POLA1: variants seen among roughly 807,000 people sequenced by gnomAD.
POLA1 encodes DNA polymerase alpha catalytic subunit.
Under a neutral mutation model 124.0 loss-of-function variants are expected in POLA1, and 15 were observed. That is an observed-to-expected ratio of 0.12 (90% CI 0.08 to 0.19). The LOEUF is 0.19. Ranked by LOEUF, POLA1 falls within the 10% of genes least tolerant of loss-of-function variation. The pLI, the probability that POLA1 is intolerant of heterozygous loss-of-function variation, is 1.00. For synonymous variants in POLA1, 408 were observed against 389.4 expected (o/e 1.05, Z -0.56); for missense variants, 886 against 1,103.4 (o/e 0.80, Z 2.79).
At chrX:24,713,807 G>A (rs1276130539) in intron 4 of POLA1, among the ~76,000 whole-genome samples, 1 of 112,291 alleles carries the variant, frequency 8.9e-6, no homozygotes, top group Non-Finnish European at 1.9e-5. Context: ...TCATAAAATG[G>A]AAATTAGGAT....
chrX:24,715,229 A>G, intron 6 of POLA1, 26 bp downstream of exon 6: 1 of 925,464 alleles, frequency 1.1e-6, no homozygotes, highest in South Asian at 2.0e-5. Context: ...GGAGTTGTAA[A>G]ATATGCAGAG....
chrX:24,887,862 A>T, intron 34 of POLA1, 144 bp from the exon 35 acceptor site: 2 of 411,838 alleles, frequency 4.9e-6, no homozygotes, highest in Admixed American at 3.7e-5. Flanking sequence ...TCTAATTAAC[A>T]TGTCAGGAGA....
chrX:24,878,272 T>C (rs1002539279), intron 34 of POLA1, among the ~76,000 whole-genome samples: 1 of 111,808 alleles, frequency 8.9e-6, no homozygotes, highest in Non-Finnish European at 1.9e-5. Context: ...TTTTAACATT[T>C]GTCGTTCACT....
intron 34 of POLA1, among the ~76,000 whole-genome samples, chrX:24,856,402 A>G (rs767202209): frequency 1.2e-4 from 13 of 112,220 alleles, no homozygotes; most frequent in African/African-American, 4.2e-4. Flanking sequence ...TCACTGAAGG[A>G]TGTTTGGATT....
intron 34 of POLA1, among the ~76,000 whole-genome samples, chrX:24,865,226 ATGAC>A (rs1347705343): frequency 8.0e-5 from 9 of 112,369 alleles, no homozygotes; most frequent in Non-Finnish European, 1.5e-4. Context: ...GATTAAATTT[ATGAC>A]TGTGGAAATC....
At chrX:24,871,643 A>C (rs1451136558) in intron 34 of POLA1, among the ~76,000 whole-genome samples, 1 of 110,164 alleles carries the variant, frequency 9.1e-6, no homozygotes, top group African/African-American at 3.3e-5. Flanking sequence ...ACTTGAACAG[A>C]CCTTACAGTC....
intron 25 of POLA1, 26 bp downstream of exon 25, chrX:24,748,486 T>C: frequency 9.0e-7 from 1 of 1,115,237 alleles, no homozygotes; most frequent in African/African-American, 1.8e-5. Flanking sequence ...AAGAAACATT[T>C]GAGTGACAGT....
At chrX:24,731,738 C>T (rs371527095) in intron 15 of POLA1, among the ~76,000 whole-genome samples, 36 of 110,477 alleles carry the variant, frequency 3.3e-4, no homozygotes, top group Middle Eastern at 4.2e-3. Flanking sequence ...GTGTTAATAG[C>T]TCCATGATTG....
chrX:24,927,485 T>C (rs1360894191), intron 35 of POLA1, among the ~76,000 whole-genome samples: 1 of 111,406 alleles, frequency 9.0e-6, no homozygotes, highest in Non-Finnish European at 1.9e-5. Flanking sequence ...GACCTATGAG[T>C]GCACCCGTGG....
intron 27 of POLA1, 76 bp from the exon 28 acceptor site, chrX:24,810,632 T>TG (rs2045882883): frequency 2.2e-6 from 1 of 455,243 alleles, no homozygotes; most frequent in Non-Finnish European, 3.8e-6. Context: ...TTCTGTAGTA[T>TG]GGAAAATCTT....
rs2045713434 is a variant in POLA1 at position 24,801,924 on chromosome X, G to GTGTGTGTGTGTGTGTGTGTGTGTGTGTGT, written c.2965-7974_2965-7973insTGTGTGTGTGTGTGTGTGTGTGTGTGTGT. On this transcript the variant is annotated intron_variant, in intron 26 of 36. Transcript: ENST00000379068. The stretch of plus-strand genomic sequence containing the variant: ...ACAGAGCCACTAGGAGAGGTGGGTG[G>GTGTGTGTGTGTGTGTGTGTGTGTGTGTGT]GTGTGTGTGTGTGTGTGTGTGTGTG... Among the ~76,000 whole-genome samples the GTGTGTGTGTGTGTGTGTGTGTGTGTGTGT allele has an allele frequency of 4.0e-5, 3 of 74,544 alleles. No homozygotes were observed. The East Asian group carries it at 1.4e-3, about 35-fold the overall frequency. 64.7% of individuals were successfully genotyped at this position (74,544 alleles called of 115,157 possible). A position where few individuals can be genotyped will look rare whatever the true frequency, so the allele number is the denominator to read the frequency against.
chrX:24,841,907 TA>T (rs961008165), intron 33 of POLA1, 77 bp downstream of exon 33: 3 of 699,798 alleles, frequency 4.3e-6, no homozygotes, highest in Non-Finnish European at 6.5e-6. Context: ...ATGGGGTATA[TA>T]AAAAGGGCGA....
intron 35 of POLA1, among the ~76,000 whole-genome samples, chrX:24,925,402 TC>T (rs1360449490): frequency 8.9e-6 from 1 of 112,029 alleles, no homozygotes; most frequent in Admixed American, 9.5e-5. Context: ...GCCCAACTCT[TC>T]ATACCTCAAG....
intron 24 of POLA1, among the ~76,000 whole-genome samples, chrX:24,746,585 C>T (rs1431469746): frequency 8.9e-6 from 1 of 112,075 alleles, no homozygotes; most frequent in Non-Finnish European, 1.9e-5. Context: ...CAGTTAGTGT[C>T]ACACAGGTAG....
chrX:24,909,790 G>A (rs1391848537), intron 35 of POLA1, among the ~76,000 whole-genome samples: 1 of 110,393 alleles, frequency 9.1e-6, no homozygotes, highest in African/African-American at 3.3e-5. Flanking sequence ...TTGGTAGCTT[G>A]ATGGGGATGG....
chrX:24,749,320 G>C (rs1932195323), intron 26 of POLA1, among the ~76,000 whole-genome samples: 1 of 105,179 alleles, frequency 9.5e-6, no homozygotes, highest in African/African-American at 3.5e-5. Flanking sequence ...GACGACATGG[G>C]TTGGGAATGT....
Position 24,940,399 on chromosome X carries a change from A to G in POLA1, c.4261+9850A>G, listed in dbSNP as rs1439163574. On this transcript the variant is annotated intron_variant, in intron 36 of 36. Transcript: ENST00000379068. Reference sequence around the variant, plus strand: ...TCTAAGTAGGGTAATGTTGTAGAAGACTAATTGGACGTTGGTTGAATTAAT... The same window carrying G: ...TCTAAGTAGGGTAATGTTGTAGAAGGCTAATTGGACGTTGGTTGAATTAAT... 2.7e-5 allele frequency among the ~76,000 whole-genome samples: 3 copies of G among 111,757 alleles called. No individual in the cohort carries two copies. In the Admixed American group the frequency reaches 2.9e-4, roughly 11 times the overall value.
chrX:24,938,714 A>G, intron 36 of POLA1, among the ~76,000 whole-genome samples: 1 of 112,704 alleles, frequency 8.9e-6, no homozygotes, highest in East Asian at 2.8e-4. Context: ...GTATTGTCTG[A>G]TGGCAGCATG....
At chrX:24,965,757 T>C (rs1278632209) in intron 36 of POLA1, among the ~76,000 whole-genome samples, 1 of 112,258 alleles carries the variant, frequency 8.9e-6, no homozygotes, top group Non-Finnish European at 1.9e-5. Context: ...AAGGAAAAGG[T>C]GAGCAGTTAG....
Sources: gnomAD v4.1 joint callset for allele counts (sites outside exome capture counted in the v4.1 genomes callset) on GRCh38, gnomAD v4.1.1 for gene constraint, MANE v1.5 for transcripts, NCBI Gene and HGNC (gene_info 2026-07-23, HGNC 2026-07-21) for gene names.